STIM1: variants seen among roughly 807,000 people sequenced by gnomAD.
STIM1 encodes stromal interaction molecule 1.
In STIM1, 25 loss-of-function variants were observed where a neutral mutation model predicts 74.7. The ratio of observed to expected loss-of-function variants is 0.33; its 90% confidence interval spans 0.24 to 0.47. STIM1 has a LOEUF of 0.47. Ranked by LOEUF, STIM1 falls within the 20% of genes least tolerant of loss-of-function variation. STIM1 has a pLI of 1.00. For missense variants in STIM1, 728 were observed against 920.8 expected (o/e 0.79, Z 2.71); for synonymous variants, 328 against 348.8 (o/e 0.94, Z 0.66).
chr11:3,927,429 T>C (rs2092802610), intron 1 of STIM1, among the ~76,000 whole-genome samples: 1 of 152,232 alleles, frequency 6.6e-6, no homozygotes, highest in Admixed American at 6.5e-5. Context: ...TCCAGTGTTT[T>C]GTGTATAATG....
intron 2 of STIM1, among the ~76,000 whole-genome samples, chr11:3,987,133 C>A (rs578146759): frequency 6.6e-6 from 1 of 151,418 alleles, no homozygotes; most frequent in Non-Finnish European, 1.5e-5. Flanking sequence ...CTAGGTTTCT[C>A]CTCAGATAAA....
intron 1 of STIM1, among the ~76,000 whole-genome samples, chr11:3,962,141 G>A (rs2135715871): frequency 6.6e-6 from 1 of 152,268 alleles, no homozygotes; most frequent in South Asian, 2.1e-4. Flanking sequence ...ATTGTGTATT[G>A]GTGAAGCCTG....
Position 4,091,298 on chromosome 11 carries a change from G to A in STIM1, c.1651G>A (p.Asp551Asn), listed in dbSNP as rs199914458. The change falls in exon 13 of 13, where the codon GAT (aspartate) becomes AAT (asparagine). Residue 551 changes from aspartate to asparagine, a missense_variant. By Grantham distance (23) the Asp-to-Asn change is conservative. Transcript: ENST00000526596. The part of the protein sequence containing the change: ...LGSQRDLTHS[D>N]SESSLHMSDR... ...GTCTTGCAGGGATTTGACCCATTCC[G>A]ATTCGGAGTCCTCCCTCCACATGAG... The A allele has an allele frequency of 3.8e-5, 62 of 1,613,910 alleles. No individual in the cohort carries two copies. Among genetic ancestry groups the A allele is most frequent in the Middle Eastern group, 1.6e-4 (1 of 6,084 alleles).
At chr11:4,000,109 G>A (rs368492812) in intron 2 of STIM1, among the ~76,000 whole-genome samples, 16 of 152,088 alleles carry the variant, frequency 1.1e-4, no homozygotes, top group South Asian at 8.3e-4. Flanking sequence ...AGCCCACCAC[G>A]GCTCAAGGAG....
chr11:3,884,794 A>G (rs111300146), intron 1 of STIM1, among the ~76,000 whole-genome samples: 15 of 151,482 alleles, frequency 9.9e-5, no homozygotes, highest in South Asian at 2.1e-4. Flanking sequence ...AAAAAAAAAA[A>G]GGGGTATGTT....
intron 2 of STIM1, chr11:3,974,315 G>A: frequency 3.8e-6 from 1 of 260,198 alleles, no homozygotes; most frequent in Non-Finnish European, 7.4e-6. Flanking sequence ...GTTTCTAATT[G>A]CTGAATATAC....
At chr11:4,022,356 AG>A (rs1420845346) in intron 2 of STIM1, among the ~76,000 whole-genome samples, 16 of 142,872 alleles carry the variant, frequency 1.1e-4, no homozygotes, top group South Asian at 2.3e-4. Flanking sequence ...AAAAAAAAAA[AG>A]AGAGAAGATC....
chr11:4,022,658 A>G (rs2093966605), intron 2 of STIM1, among the ~76,000 whole-genome samples: 2 of 152,088 alleles, frequency 1.3e-5, no homozygotes, highest in Non-Finnish European at 2.9e-5. Flanking sequence ...ACCTAATTTG[A>G]TTGCAGAGCT....
chr11:3,937,651 C>T (rs2092951367), intron 1 of STIM1, among the ~76,000 whole-genome samples: 1 of 145,892 alleles, frequency 6.9e-6, no homozygotes, highest in Non-Finnish European at 1.5e-5. Context: ...CCTTCAATGT[C>T]ACTCTTAGTC....
chr11:4,018,483 AAAAC>A (rs2093923482), intron 2 of STIM1, among the ~76,000 whole-genome samples: 4 of 149,066 alleles, frequency 2.7e-5, no homozygotes, highest in African/African-American at 9.8e-5. Context: ...AAAAAAAAAA[AAAAC>A]AAACAAAATT....
intron 1 of STIM1, among the ~76,000 whole-genome samples, chr11:3,941,956 A>T (rs1333816864): frequency 6.6e-6 from 1 of 152,104 alleles, no homozygotes; most frequent in Non-Finnish European, 1.5e-5. Context: ...AAGTTCTGGG[A>T]TTATAGTCAG....
chr11:3,947,039 G>A (rs1194527256), intron 1 of STIM1, among the ~76,000 whole-genome samples: 1 of 150,636 alleles, frequency 6.6e-6, no homozygotes, highest in Non-Finnish European at 1.5e-5. Flanking sequence ...AACTAAGTAT[G>A]TTGGCTTGAA....
intron 2 of STIM1, among the ~76,000 whole-genome samples, chr11:4,003,577 T>A (rs2093744020): frequency 6.6e-6 from 1 of 151,992 alleles, no homozygotes; most frequent in Admixed American, 6.6e-5. Flanking sequence ...TAGGTATTGA[T>A]GGGACGTATC....
intron 1 of STIM1, among the ~76,000 whole-genome samples, chr11:3,920,531 TA>T (rs975297072): frequency 5.6e-4 from 85 of 152,272 alleles, no homozygotes; most frequent in African/African-American, 1.9e-3. Context: ...TTTTTTGAAG[TA>T]GAATTATCCC....
intron 2 of STIM1, among the ~76,000 whole-genome samples, chr11:4,015,651 T>C (rs1028738680): frequency 4.6e-5 from 7 of 152,246 alleles, no homozygotes; most frequent in Non-Finnish European, 1.0e-4. Context: ...TCTAACTTGG[T>C]TGCATTCTCC....
intron 1 of STIM1, among the ~76,000 whole-genome samples, chr11:3,956,197 C>T (rs116953085): frequency 0.018 from 2,777 of 152,186 alleles, 36 homozygotes; most frequent in Non-Finnish European, 0.03. Context: ...AGCTAGTATG[C>T]ACTAGCACCG....
At chr11:3,941,671 TATAGAGAG>T (rs1361229770) in intron 1 of STIM1, among the ~76,000 whole-genome samples, 9 of 76,134 alleles carry the variant, frequency 1.2e-4, no homozygotes, top group Admixed American at 5.9e-4. Flanking sequence ...TATATATATA[TATAGAGAG>T]AGAGAGAGAG....
At chr11:3,993,671 G>A (rs181153936) in intron 2 of STIM1, among the ~76,000 whole-genome samples, 6 of 151,888 alleles carry the variant, frequency 4.0e-5, no homozygotes, top group Non-Finnish European at 5.9e-5. Context: ...AACAAAAAAC[G>A]AAACAAAAAC....
chr11:3,901,608 A>G (rs552499502), intron 1 of STIM1, among the ~76,000 whole-genome samples: 4 of 152,374 alleles, frequency 2.6e-5, no homozygotes, highest in African/African-American at 4.8e-5. Flanking sequence ...TGTGTTCACA[A>G]TAGCTCTATG....
Sources: allele counts gnomAD v4.1 joint callset (sites outside exome capture counted in the v4.1 genomes callset), GRCh38; gene constraint gnomAD v4.1.1; transcripts MANE v1.5; gene names NCBI Gene and HGNC (gene_info 2026-07-23, HGNC 2026-07-21).